Variants in SYT16 observed in about 807,000 individuals in gnomAD.
SYT16 encodes synaptotagmin 16, also known as synaptotagmin-16.
SYT16 carries 42 observed loss-of-function variants against 61.4 expected under a neutral mutation model. The observed-to-expected ratio is 0.68, with a 90% confidence interval of 0.53 to 0.89. SYT16 has a LOEUF of 0.89. Among genes scored for constraint, SYT16 ranks in the 40% least tolerant of loss-of-function variants. The probability of loss-of-function intolerance (pLI) is 0.00; values close to 1 mark genes in which losing one functional copy is unlikely to be tolerated. For synonymous variants in SYT16, 314 were observed against 302.3 expected (o/e 1.04, Z -0.40); for missense variants, 804 against 807.3 (o/e 1.00, Z 0.05).
chr14:62,108,374 C>A lies in SYT16; in HGVS notation c.*7667C>A, dbSNP rs945485092. ...TGTACATATCTTGTTTAAAAAAGACCTTGATGTTTGAGAAGAAATATCGGA... is the reference window on the plus strand; with the variant it reads ...TGTACATATCTTGTTTAAAAAAGACATTGATGTTTGAGAAGAAATATCGGA... On this transcript the variant is annotated 3_prime_UTR_variant, in exon 8 of 8. Transcript: ENST00000683842. The A allele has an allele frequency of 1.3e-5, 2 of 152,058 alleles. No individual in the cohort carries two copies. Among genetic ancestry groups the A allele is most frequent in the African/African-American group, 4.8e-5 (2 of 41,396 alleles). The allele number at this position is 152,058 out of a possible 1,614,324, so 9.4% of individuals were successfully genotyped here.
chr14:61,908,402 C>G (rs1174832522), intron 1 of SYT16, among the ~76,000 whole-genome samples: 1 of 152,026 alleles, frequency 6.6e-6, no homozygotes, highest in Non-Finnish European at 1.5e-5. Context: ...GTGGAGAGGC[C>G]TGTGTTTGTT....
intron 1 of SYT16, among the ~76,000 whole-genome samples, chr14:61,814,776 A>T (rs760663097): frequency 2.0e-5 from 3 of 152,218 alleles, no homozygotes; most frequent in Non-Finnish European, 4.4e-5. Context: ...TTCAAAACTA[A>T]TGTGAGAGGC....
chr14:62,090,009 G>A (rs1386961192), intron 7 of SYT16, among the ~76,000 whole-genome samples: 2 of 152,178 alleles, frequency 1.3e-5, no homozygotes, highest in Admixed American at 6.5e-5. Context: ...ACTGCTTCAT[G>A]GCCTCAACAT....
chr14:61,896,119 G>A (rs1424490961), intron 1 of SYT16, among the ~76,000 whole-genome samples: 1 of 151,882 alleles, frequency 6.6e-6, no homozygotes, highest in Admixed American at 6.6e-5. Context: ...GGATGGGATG[G>A]GTAGAAACCG....
chr14:62,079,581 A>G (rs1042052637), intron 5 of SYT16, among the ~76,000 whole-genome samples: 5 of 152,188 alleles, frequency 3.3e-5, no homozygotes, highest in Admixed American at 6.5e-5. Flanking sequence ...TATGTGGGAA[A>G]GTTTCATTGA....
At chr14:61,963,188 A>C (rs568758714) in intron 1 of SYT16, among the ~76,000 whole-genome samples, 6 of 152,144 alleles carry the variant, frequency 3.9e-5, no homozygotes, top group Non-Finnish European at 7.4e-5. Flanking sequence ...ATGGCCTCTG[A>C]GTATTTAAGT....
At chr14:62,094,689 A>G (rs2057206883) in intron 7 of SYT16, among the ~76,000 whole-genome samples, 1 of 152,018 alleles carries the variant, frequency 6.6e-6, no homozygotes, top group Admixed American at 6.6e-5. Context: ...GAAAATAGCA[A>G]ATATTCTAGG....
At position 62,110,820 on chromosome 14, in the gene SYT16, C is replaced by T. The variant is rs1283565077; in HGVS notation, c.*10113C>T. 1 of 152,046 alleles carries T rather than the reference C, an allele frequency of 6.6e-6. No homozygotes were observed. Among genetic ancestry groups the T allele is most frequent in the Non-Finnish European group, 1.5e-5 (1 of 67,940 alleles). The allele number at this position is 152,046 out of a possible 1,614,324, so 9.4% of individuals were successfully genotyped here. ...AAATGGAATAGCTTTTCCTCCCCTA[C>T]AAAGTGGATTTGAATACAGTCCTTA... is the stretch of plus-strand genomic sequence containing the variant. On this transcript the variant is annotated 3_prime_UTR_variant, in exon 8 of 8. Transcript: ENST00000683842.
At chr14:61,980,105 C>T (rs772914360) in intron 2 of SYT16, among the ~76,000 whole-genome samples, 6 of 152,218 alleles carry the variant, frequency 3.9e-5, no homozygotes, top group Admixed American at 6.5e-5. Flanking sequence ...TTTTGTCACC[C>T]GTCTCCACTG....
intron 3 of SYT16, among the ~76,000 whole-genome samples, chr14:62,043,310 G>T (rs2054816290): frequency 6.6e-6 from 1 of 151,318 alleles, no homozygotes; most frequent in Non-Finnish European, 1.5e-5. Context: ...ATGCTTGATA[G>T]ATTTTCTGTC....
At chr14:61,980,068 A>G (rs1238620484) in intron 2 of SYT16, among the ~76,000 whole-genome samples, 1 of 152,198 alleles carries the variant, frequency 6.6e-6, no homozygotes, top group Non-Finnish European at 1.5e-5. Flanking sequence ...AAATAATAGG[A>G]TACATAAAAT....
In SYT16 at chr14:61,925,259, A is replaced by G. The variant is rs563853946; in HGVS notation, c.-324-44873A>G. Among the ~76,000 whole-genome samples the G allele has an allele frequency of 1.2e-4, 19 of 152,230 alleles. No individual in the cohort carries two copies. In the South Asian group the frequency reaches 3.1e-3, roughly 25 times the overall value. On this transcript the variant is annotated intron_variant, in intron 1 of 7. Transcript: ENST00000683842. ...TCTTTCCCTCCTTTCAGCTATTTAC[A>G]CCTGGGATGGGTCTTTATGCTGAGG...
Position 61,833,549 on chromosome 14 carries a change from T to C in SYT16, c.-325+20739T>C, listed in dbSNP as rs536570770. ...TCAGGTGATCTGCCTGTCTCCAAAG[T>C]GCTGGGATTACAGGCGTGAGCCACC... On this transcript the variant is annotated intron_variant, in intron 1 of 7. Coordinates refer to ENST00000683842, the MANE Select transcript of SYT16 (RefSeq NM_001367656.1). Among the ~76,000 whole-genome samples the C allele has an allele frequency of 2.6e-3, 396 of 151,852 alleles. 1 individual carries two copies. Among genetic ancestry groups the C allele is most frequent in the South Asian group, 4.4e-3 (21 of 4,822 alleles).
At chr14:61,945,562 A>T (rs963311558) in intron 1 of SYT16, among the ~76,000 whole-genome samples, 1 of 152,218 alleles carries the variant, frequency 6.6e-6, no homozygotes, top group African/African-American at 2.4e-5. Flanking sequence ...GTCATAAAAA[A>T]GGATGAGTTG....
intron 1 of SYT16, among the ~76,000 whole-genome samples, chr14:61,907,977 G>T (rs972577090): frequency 4.6e-5 from 7 of 152,266 alleles, no homozygotes; most frequent in Admixed American, 3.9e-4. Flanking sequence ...GACTTTGTGT[G>T]TGTTTAGGTG....
intron 1 of SYT16, among the ~76,000 whole-genome samples, chr14:61,829,875 C>T (rs954855321): frequency 6.6e-5 from 10 of 152,100 alleles, no homozygotes; most frequent in Admixed American, 1.3e-4. Flanking sequence ...AGGATGGTCT[C>T]GATCTCCTGA....
chr14:61,964,003 C>T (rs970436262), intron 1 of SYT16, among the ~76,000 whole-genome samples: 1 of 152,082 alleles, frequency 6.6e-6, no homozygotes, highest in African/African-American at 2.4e-5. Flanking sequence ...ACTTACTGCT[C>T]AGAAAAAGGA....
At chr14:61,988,771 G>A (rs966918306) in intron 2 of SYT16, among the ~76,000 whole-genome samples, 1 of 152,142 alleles carries the variant, frequency 6.6e-6, no homozygotes, top group Non-Finnish European at 1.5e-5. Context: ...TAGAAACAGT[G>A]AGAATAAACT....
In SYT16 at chr14:62,105,652, A is replaced by G. The variant is rs1295964570; in HGVS notation, c.*4945A>G. The G allele has an allele frequency of 6.6e-6, 1 of 152,188 alleles. No homozygotes were observed. The highest frequency in any genetic ancestry group is 1.5e-5 in the Non-Finnish European group (1 of 68,030). The allele number at this position is 152,188 out of a possible 1,614,324, so 9.4% of individuals were successfully genotyped here. Reference sequence around the variant, plus strand: ...ATCCACTTGTTCTCAAGTGATTCAAACCTTGAGTAAAAAGGAGAGTTTCTG... The same window carrying G: ...ATCCACTTGTTCTCAAGTGATTCAAGCCTTGAGTAAAAAGGAGAGTTTCTG... On this transcript the variant is annotated 3_prime_UTR_variant, in exon 8 of 8. Transcript: ENST00000683842.
Sources: gnomAD v4.1 joint callset for allele counts (sites outside exome capture counted in the v4.1 genomes callset) on GRCh38, gnomAD v4.1.1 for gene constraint, MANE v1.5 for transcripts, NCBI Gene and HGNC (gene_info 2026-07-23, HGNC 2026-07-21) for gene names.